The following PRELID2 variants were observed in gnomAD, a reference collection of about 807,000 sequenced individuals.
The protein encoded by PRELID2 is PRELI domain-containing protein 2.
A neutral mutation model predicts 28.4 loss-of-function variants in PRELID2; 25 were observed. That is an observed-to-expected ratio of 0.88 (90% CI 0.64 to 1.23). The LOEUF is 1.23. Ranked by LOEUF, PRELID2 falls within the 50% of genes most tolerant of loss-of-function variation. The pLI is 0.00. For synonymous variants in PRELID2, 76 were observed against 71.6 expected (o/e 1.06, Z -0.31); for missense variants, 201 against 214.4 (o/e 0.94, Z 0.39).
intron 1 of PRELID2, among the ~76,000 whole-genome samples, chr5:145,742,178 A>AT (rs1756838705): frequency 9.9e-6 from 1 of 100,816 alleles, no homozygotes; most frequent in Admixed American, 1.4e-4. Flanking sequence ...TATTAATTAT[A>AT]AATTTATATA....
chr5:145,425,954 T>G, the PRELID2 span, among the ~76,000 whole-genome samples: 1 of 152,304 alleles, frequency 6.6e-6, no homozygotes, highest in African/African-American at 2.4e-5. Flanking sequence ...GGCACCTGCC[T>G]GGGAGCCCCC....
At chr5:145,259,609 A>AG in the PRELID2 span, among the ~76,000 whole-genome samples, 1 of 151,904 alleles carries the variant, frequency 6.6e-6, no homozygotes, top group African/African-American at 2.4e-5. Context: ...TCTTTTGCCT[A>AG]TTTTTTTCAC....
At chr5:145,636,764 T>G (rs901273978) in intron 1 of PRELID2, among the ~76,000 whole-genome samples, 7 of 152,186 alleles carry the variant, frequency 4.6e-5, no homozygotes, top group Admixed American at 4.6e-4. Flanking sequence ...GGATTTCTTT[T>G]GGGGGCATAG....
intron 1 of PRELID2, among the ~76,000 whole-genome samples, chr5:145,618,408 G>A (rs1226900125): frequency 6.6e-6 from 1 of 152,148 alleles, no homozygotes; most frequent in Admixed American, 6.5e-5. Context: ...TTTTCCTATG[G>A]ATGTGGCTTC....
intron 1 of PRELID2, among the ~76,000 whole-genome samples, chr5:145,590,829 CA>C (rs1561512525): frequency 6.6e-6 from 1 of 152,084 alleles, no homozygotes; most frequent in African/African-American, 2.4e-5. Context: ...CTATGCCCCC[CA>C]CTGACATTAA....
At chr5:145,468,107 C>T (rs1479275723), downstream of PRELID2, among the ~76,000 whole-genome samples, 4 of 152,076 alleles carry the variant, frequency 2.6e-5, no homozygotes, top group South Asian at 2.1e-4. Context: ...TGATGTTCCC[C>T]TTCCTGTGTC....
the PRELID2 span, among the ~76,000 whole-genome samples, chr5:145,270,441 T>C: frequency 6.6e-6 from 1 of 152,210 alleles, no homozygotes; most frequent in African/African-American, 2.4e-5. Context: ...TGGATAAACC[T>C]CAAAAACATG....
rs1299956414 is a variant in PRELID2 at position 145,600,434 on chromosome 5, AAT to A, written n.71-127121_71-127120del. 9.5e-4 allele frequency among the ~76,000 whole-genome samples: 114 copies of A among 120,092 alleles called. 1 individual carries two copies. Among genetic ancestry groups the A allele is most frequent in the Non-Finnish European group, 1.5e-3 (91 of 61,272 alleles). The allele number at this position is 120,092 out of a possible 152,430, so 78.8% of individuals were successfully genotyped here. ...TCTCAGGGGGGGAAAAAAAAAAAAA[AAT>A]ATATATATATATATATATGTATCTC... On this transcript the variant is annotated intron_variant and non_coding_transcript_variant, in intron 1 of 2. Transcript: ENST00000510259.
intron 2 of PRELID2, among the ~76,000 whole-genome samples, chr5:145,822,351 T>G (rs1201286780): frequency 6.6e-6 from 1 of 152,168 alleles, no homozygotes; most frequent in African/African-American, 2.4e-5. Flanking sequence ...AGGTGCTAAA[T>G]AATTTAAGTT....
At chr5:145,395,568 A>G in the PRELID2 span, among the ~76,000 whole-genome samples, 1 of 152,000 alleles carries the variant, frequency 6.6e-6, no homozygotes, top group African/African-American at 2.4e-5. Flanking sequence ...AAGTCCAGCC[A>G]CTCCATTTGC....
At chr5:145,656,459 T>C (rs115798350) in intron 1 of PRELID2, among the ~76,000 whole-genome samples, 10,374 of 152,136 alleles carry the variant, frequency 0.068, 546 homozygotes, top group Admixed American at 0.18. Context: ...ACATGTATGT[T>C]CATTGCGGCA....
At chr5:145,662,363 T>C (rs1206230562) in intron 1 of PRELID2, among the ~76,000 whole-genome samples, 1 of 152,160 alleles carries the variant, frequency 6.6e-6, no homozygotes, top group African/African-American at 2.4e-5. Context: ...ATGCATTGCT[T>C]TACTGATCCA....
chr5:145,311,278 C>G, the PRELID2 span, among the ~76,000 whole-genome samples: 4 of 152,154 alleles, frequency 2.6e-5, no homozygotes, highest in Non-Finnish European at 4.4e-5. Context: ...TGCTAGAGTG[C>G]AGCTCGCACT....
chr5:145,788,723 T>A (rs1208345716), intron 5 of PRELID2, among the ~76,000 whole-genome samples: 3 of 152,024 alleles, frequency 2.0e-5, no homozygotes, highest in Non-Finnish European at 4.4e-5. Context: ...AGTAAAATCA[T>A]CTATGTTTGC....
chr5:145,490,332 C>T (rs1408426026), intron 1 of PRELID2, among the ~76,000 whole-genome samples: 1 of 152,180 alleles, frequency 6.6e-6, no homozygotes, highest in Non-Finnish European at 1.5e-5. Context: ...AAACTGAACA[C>T]ACAAACACAC....
At chr5:145,614,225 T>C (rs1753662999) in intron 1 of PRELID2, among the ~76,000 whole-genome samples, 4 of 152,234 alleles carry the variant, frequency 2.6e-5, no homozygotes, top group Admixed American at 2.0e-4. Flanking sequence ...ACTATGGCCT[T>C]ATTGTGTAGT....
At chr5:145,279,779 A>G in the PRELID2 span, among the ~76,000 whole-genome samples, 1 of 151,920 alleles carries the variant, frequency 6.6e-6, no homozygotes, top group Non-Finnish European at 1.5e-5. Context: ...AGAAGGACAT[A>G]TTCTTGAATT....
In PRELID2 at chr5:145,605,157, G is replaced by A. The variant is rs550194953; in HGVS notation, n.71-131842C>T. Among the ~76,000 whole-genome samples the A allele has an allele frequency of 7.9e-5, 12 of 151,818 alleles. No individual in the cohort carries two copies. In the South Asian group the frequency reaches 2.3e-3, roughly 29 times the overall value. On this transcript the variant is annotated intron_variant and non_coding_transcript_variant, in intron 1 of 2. Coordinates refer to the PRELID2 transcript ENST00000510259. ...CTCTGTTGAGAGTTTCTTTTGCTGT[G>A]CAGAAGCCCTTTCATTTAATTAGGT... is the stretch of plus-strand genomic sequence containing the variant.
intron 1 of PRELID2, among the ~76,000 whole-genome samples, chr5:145,691,602 C>CG (rs1755151495): frequency 6.6e-6 from 1 of 152,104 alleles, no homozygotes; most frequent in East Asian, 1.9e-4. Context: ...CCTGTAGTCC[C>CG]AGCTACTCGG....
Sources: gnomAD v4.1 joint callset for allele counts (sites outside exome capture counted in the v4.1 genomes callset) on GRCh38, gnomAD v4.1.1 for gene constraint, MANE v1.5 for transcripts, NCBI Gene and HGNC (gene_info 2026-07-23, HGNC 2026-07-21) for gene names.